The following RRM1 variants were observed in gnomAD, a reference collection of about 807,000 sequenced individuals.
RRM1 encodes the protein ribonucleoside-diphosphate reductase large subunit.
RRM1 carries 19 observed loss-of-function variants against 101.5 expected under a neutral mutation model. The ratio of observed to expected loss-of-function variants is 0.19; its 90% CI spans 0.13 to 0.27. The LOEUF (loss-of-function observed/expected upper bound fraction) is 0.27. Ranked by LOEUF, RRM1 falls within the 10% of genes least tolerant of loss-of-function variation. RRM1 has a pLI of 1.00. For synonymous variants in RRM1, 298 were observed against 323.4 expected, an observed-to-expected ratio of 0.92 and a Z score of 0.84; for missense variants, 500 against 962.9, an observed-to-expected ratio of 0.52 and a Z score of 6.36.
Position 4,122,150 on chromosome 11 carries a change from T to C in RRM1, c.1048T>C (p.Leu350=), listed in dbSNP as rs1169055985. The change falls in exon 11 of 19, where the codon TTG becomes CTG. Residue 350 remains leucine, a synonymous_variant. Coordinates refer to ENST00000300738, the MANE Select transcript of RRM1 (RefSeq NM_001033.5). ...KRVETNQDWS[L]MCPNECPGLD... is the part of the protein sequence containing the mutation. Reference sequence around the variant, plus strand: ...GTCCTTTCCTTTTTAGGACTGGTCTTTGATGTGTCCAAATGAGTGTCCTGG... The same window carrying C: ...GTCCTTTCCTTTTTAGGACTGGTCTCTGATGTGTCCAAATGAGTGTCCTGG... 6.2e-7 allele frequency: 1 copy of C among 1,612,918 alleles called. No individual in the cohort carries two copies. Among genetic ancestry groups the C allele is most frequent in the Middle Eastern group, 1.7e-4 (1 of 6,058 alleles).
intron 1 of RRM1, among the ~76,000 whole-genome samples, chr11:4,099,948 C>CT (rs1420546019): frequency 1.3e-5 from 2 of 152,050 alleles, no homozygotes; most frequent in Admixed American, 6.6e-5. Flanking sequence ...TGCTTTCCCC[C>CT]CCCACTGCAT....
At chr11:4,127,950 T>C (rs984356861) in intron 14 of RRM1, among the ~76,000 whole-genome samples, 2 of 152,314 alleles carry the variant, frequency 1.3e-5, no homozygotes, top group East Asian at 3.9e-4. Context: ...TGGTAAGGGC[T>C]GTGATCTCGT....
chr11:4,094,774 T>G (rs2133278661), upstream of RRM1: 2 of 582,904 alleles, frequency 3.4e-6, no homozygotes, highest in Middle Eastern at 4.6e-4. Flanking sequence ...CAGCGTCGAG[T>G]AACGTCATTC....
chr11:4,119,120 G>C (rs764468672), intron 8 of RRM1: 4 of 152,258 alleles, frequency 2.6e-5, no homozygotes, highest in Non-Finnish European at 5.9e-5. Context: ...TTTTGTGTCT[G>C]AGTTTGTTTC....
intron 2 of RRM1, chr11:4,105,784 C>T (rs955627423): frequency 2.6e-5 from 11 of 425,586 alleles, no homozygotes; most frequent in Middle Eastern, 7.0e-4. Context: ...AGGCTGGTCT[C>T]GAACTCCTGG....
At chr11:4,119,817 G>A in intron 8 of RRM1, 28 bp from the exon 9 acceptor site, 1 of 1,437,554 alleles carries the variant, frequency 7.0e-7, no homozygotes, top group Non-Finnish European at 9.7e-7. Context: ...AGTGCCCTCT[G>A]TCATTTCTAT....
intron 2 of RRM1, among the ~76,000 whole-genome samples, chr11:4,104,189 A>C (rs1409386618): frequency 1.3e-5 from 2 of 152,166 alleles, no homozygotes; most frequent in Non-Finnish European, 2.9e-5. Flanking sequence ...CTGAGTTCTA[A>C]TTGTTTGCCT....
intron 1 of RRM1, among the ~76,000 whole-genome samples, chr11:4,100,668 AT>A (rs34546028): frequency 0.88 from 133,359 of 152,142 alleles, 58,759 homozygotes; most frequent in South Asian, 0.93. Context: ...ACATACTGTG[AT>A]TTTTTTTTCC....
At chr11:4,096,645 T>C (rs182243449) in intron 1 of RRM1, among the ~76,000 whole-genome samples, 209 of 152,238 alleles carry the variant, frequency 1.4e-3, no homozygotes, top group Non-Finnish European at 2.5e-3. Context: ...TCTATTTTTG[T>C]ATTTTTATTT....
At chr11:4,134,253 T>G (rs552366566) in intron 17 of RRM1, among the ~76,000 whole-genome samples, 1 of 152,196 alleles carries the variant, frequency 6.6e-6, no homozygotes, top group Non-Finnish European at 1.5e-5. Context: ...ATTACATGCA[T>G]GAGCCACCGT....
At chr11:4,099,945 C>CG (rs915919986) in intron 1 of RRM1, among the ~76,000 whole-genome samples, 1 of 151,244 alleles carries the variant, frequency 6.6e-6, no homozygotes, top group Non-Finnish European at 1.5e-5. Flanking sequence ...AGTTGCTTTC[C>CG]CCCCCCACTG....
intron 15 of RRM1, among the ~76,000 whole-genome samples, chr11:4,129,418 A>G (rs1207027907): frequency 6.6e-6 from 1 of 151,970 alleles, no homozygotes; most frequent in Non-Finnish European, 1.5e-5. Flanking sequence ...GACTTAACAC[A>G]CCTAGATTAG....
intron 2 of RRM1, among the ~76,000 whole-genome samples, chr11:4,102,823 G>C (rs991924383): frequency 6.6e-6 from 1 of 152,156 alleles, no homozygotes; most frequent in African/African-American, 2.4e-5. Flanking sequence ...TCATAAACCA[G>C]TTGCTCTGCT....
At chr11:4,112,679 T>A (rs2094567270) in intron 7 of RRM1, among the ~76,000 whole-genome samples, 1 of 152,218 alleles carries the variant, frequency 6.6e-6, no homozygotes. Flanking sequence ...TATATTTCAA[T>A]AAGGTTGTTT....
chr11:4,121,978 A>G, intron 10 of RRM1, 163 bp from the exon 11 acceptor site: 1 of 678,538 alleles, frequency 1.5e-6, no homozygotes, highest in Non-Finnish European at 2.5e-6. Context: ...GTCATGTATA[A>G]ACAGGCAGAC....
intron 9 of RRM1, among the ~76,000 whole-genome samples, chr11:4,121,074 A>G (rs2094581118): frequency 6.6e-6 from 1 of 152,234 alleles, no homozygotes; most frequent in Non-Finnish European, 1.5e-5. Context: ...AAGAAACAGT[A>G]AAGTTGAGAG....
In RRM1 at chr11:4,132,090, T is replaced by C. The variant is rs1205891920; in HGVS notation, c.1770-196T>C. 1.3e-5 allele frequency among the ~76,000 whole-genome samples: 2 copies of C among 152,222 alleles called. No homozygotes were observed. The highest frequency in any genetic ancestry group is 2.9e-5 in the Non-Finnish European group (2 of 68,044). ...TCAGGCATTTAAGAGGAGAGTGGGC[T>C]ATAATAGCACCCATACTGTGGAATT... On this transcript the variant is annotated intron_variant, in intron 15 of 18. Coordinates refer to ENST00000300738, the MANE Select transcript of RRM1 (RefSeq NM_001033.5). This position sits in a 1 kb window ranked among gnomAD's most constrained non-coding sequence, Gnocchi z 4.1.
At chr11:4,112,157 G>C (rs1288894573) in intron 7 of RRM1, 95 bp downstream of exon 7, 6 of 857,176 alleles carry the variant, frequency 7.0e-6, no homozygotes, top group Non-Finnish European at 1.1e-5. Flanking sequence ...TTTAGTAGCT[G>C]CCTGCTCTGA....
chr11:4,102,215 C>A (rs2094552542), intron 2 of RRM1, 134 bp downstream of exon 2: 1 of 605,130 alleles, frequency 1.7e-6, no homozygotes, highest in African/African-American at 1.9e-5. Context: ...AATTTGAATT[C>A]ATTGCTTAAA....
Sources: allele counts gnomAD v4.1 joint callset (sites outside exome capture counted in the v4.1 genomes callset), GRCh38; gene constraint gnomAD v4.1.1; non-coding constraint Gnocchi (gnomAD v3.1); transcripts MANE v1.5; gene names NCBI Gene and HGNC (gene_info 2026-07-23, HGNC 2026-07-21).